CRY1: variants seen among roughly 807,000 people sequenced by gnomAD.
CRY1 encodes the protein cryptochrome-1.
Under a neutral mutation model 76.0 loss-of-function variants are expected in CRY1, and 45 were observed. That is an observed-to-expected ratio of 0.59 (90% CI 0.47 to 0.76). The LOEUF (loss-of-function observed/expected upper bound fraction) is 0.76, where lower values mean the gene tolerates loss of function less well. CRY1 is among the 30% of genes least tolerant of loss of function. The probability of loss-of-function intolerance (pLI) is 0.00; values close to 1 mark genes in which losing one functional copy is unlikely to be tolerated. For missense variants in CRY1, 587 were observed against 716.4 expected, an observed-to-expected ratio of 0.82 and a Z score of 2.06; for synonymous variants, 248 against 244.0, an observed-to-expected ratio of 1.02 and a Z score of -0.15.
At chr12:107,037,032 A>C (rs1952741528) in intron 1 of CRY1, among the ~76,000 whole-genome samples, 1 of 152,184 alleles carries the variant, frequency 6.6e-6, no homozygotes, top group African/African-American at 2.4e-5. Context: ...CCATGAAAGT[A>C]AGGTTTTTGC....
At chr12:107,027,372 A>C (rs1392740324) in intron 1 of CRY1, among the ~76,000 whole-genome samples, 1 of 152,142 alleles carries the variant, frequency 6.6e-6, no homozygotes, top group African/African-American at 2.4e-5. Flanking sequence ...AATTTGGCAT[A>C]TATATTATTT....
At chr12:107,000,108 TTAAC>T (rs1952289314) in intron 5 of CRY1, 26 bp from the exon 6 acceptor site, 2 of 1,564,596 alleles carry the variant, frequency 1.3e-6, no homozygotes, top group South Asian at 1.2e-5. Flanking sequence ...GAAAATTATA[TTAAC>T]TAATTGTCTT....
intron 1 of CRY1, chr12:107,072,907 A>C (rs1953207734): frequency 6.6e-6 from 1 of 152,194 alleles, no homozygotes; most frequent in African/African-American, 2.4e-5. Flanking sequence ...AATATTAAAA[A>C]TTTACATTAA....
chr12:107,072,264 A>G (rs138112881), intron 1 of CRY1, among the ~76,000 whole-genome samples: 1 of 152,290 alleles, frequency 6.6e-6, no homozygotes, highest in East Asian at 1.9e-4. Context: ...CCCTTTTCCA[A>G]ATTCCAAATG....
intron 2 of CRY1, among the ~76,000 whole-genome samples, chr12:107,010,495 TG>T (rs1268927750): frequency 1.3e-5 from 2 of 152,222 alleles, no homozygotes; most frequent in African/African-American, 4.8e-5. Flanking sequence ...GCAATTCTAT[TG>T]GTGCCATTTT....
At chr12:107,053,130 A>G (rs1242540515) in intron 1 of CRY1, among the ~76,000 whole-genome samples, 1 of 152,242 alleles carries the variant, frequency 6.6e-6, no homozygotes, top group Non-Finnish European at 1.5e-5. Flanking sequence ...TTTGAAAAAG[A>G]ACCAAAGAAA....
At chr12:107,083,572 C>G (rs2136901078) in intron 1 of CRY1, among the ~76,000 whole-genome samples, 1 of 152,254 alleles carries the variant, frequency 6.6e-6, no homozygotes, top group Non-Finnish European at 1.5e-5. Flanking sequence ...ATCATATAAA[C>G]AGAACCAATG....
rs367739557 is a variant in CRY1, at chr12:106,992,978, G to A, written c.1644C>T (p.His548=). ...HYAHGDSQQT[H]LLKQGRSSMG... ...CTTCATTCTTACCTTGCTTCAACAGGTGAGTTTGCTGACTGTCGCCATGAG... is the reference window on the plus strand; with the variant it reads ...CTTCATTCTTACCTTGCTTCAACAGATGAGTTTGCTGACTGTCGCCATGAG... The change falls in exon 11 of 13, where the codon CAC becomes CAT. Residue 548 remains histidine, a synonymous_variant. Coordinates refer to ENST00000008527, the MANE Select transcript of CRY1 (RefSeq NM_004075.5). 2 of 1,613,936 alleles carry A rather than the reference G, an allele frequency of 1.2e-6. No homozygotes were observed. The highest frequency in any genetic ancestry group is 1.3e-5 in the African/African-American group (1 of 74,924).
At chr12:107,077,420 T>G (rs1953270035) in intron 1 of CRY1, among the ~76,000 whole-genome samples, 1 of 152,194 alleles carries the variant, frequency 6.6e-6, no homozygotes, top group Non-Finnish European at 1.5e-5. Context: ...AATGTTTTCC[T>G]GAATGACTAA....
At chr12:107,013,920 T>C (rs1952471165) in intron 2 of CRY1, among the ~76,000 whole-genome samples, 1 of 152,264 alleles carries the variant, frequency 6.6e-6, no homozygotes, top group African/African-American at 2.4e-5. Flanking sequence ...ACTTTTTTAA[T>C]GTGGCTATTA....
At chr12:106,995,226 A>C (rs1952221037) in intron 10 of CRY1, among the ~76,000 whole-genome samples, 1 of 152,170 alleles carries the variant, frequency 6.6e-6, no homozygotes, top group South Asian at 2.1e-4. Flanking sequence ...AGTATGCAAA[A>C]ATCCCTTACT....
intron 1 of CRY1, among the ~76,000 whole-genome samples, chr12:107,064,438 A>G (rs1392382468): frequency 6.6e-6 from 1 of 152,262 alleles, no homozygotes; most frequent in African/African-American, 2.4e-5. Flanking sequence ...CAAACCTGAC[A>G]AAACCAAATG....
intron 1 of CRY1, among the ~76,000 whole-genome samples, chr12:107,028,401 T>C (rs552842175): frequency 6.6e-6 from 1 of 152,238 alleles, no homozygotes; most frequent in South Asian, 2.1e-4. Flanking sequence ...TCAATAAAGA[T>C]GAAATATATA....
chr12:107,030,852 G>C (rs1952666708), intron 1 of CRY1, among the ~76,000 whole-genome samples: 1 of 152,108 alleles, frequency 6.6e-6, no homozygotes, highest in Non-Finnish European at 1.5e-5. Flanking sequence ...TGTTGCTTAA[G>C]GTGATAAAGC....
chr12:107,029,437 C>CA (rs1271169698), intron 1 of CRY1, among the ~76,000 whole-genome samples: 2 of 151,602 alleles, frequency 1.3e-5, no homozygotes, highest in Non-Finnish European at 2.9e-5. Flanking sequence ...ACAAAAAGTA[C>CA]AAAAAAACTA....
At chr12:107,085,515 G>A (rs1029203857) in intron 1 of CRY1, among the ~76,000 whole-genome samples, 3 of 152,148 alleles carry the variant, frequency 2.0e-5, no homozygotes, top group Non-Finnish European at 4.4e-5. Context: ...CCTTTGCAGG[G>A]ACATGGATGA....
chr12:107,090,178 C>T (rs1352335454), intron 1 of CRY1, among the ~76,000 whole-genome samples: 1 of 152,034 alleles, frequency 6.6e-6, no homozygotes, highest in African/African-American at 2.4e-5. Context: ...CAACCTCTGC[C>T]TCCTGGGTTC....
At chr12:107,022,610 T>G (rs1226558836) in intron 1 of CRY1, among the ~76,000 whole-genome samples, 2 of 150,984 alleles carry the variant, frequency 1.3e-5, no homozygotes, top group African/African-American at 4.9e-5. Context: ...ACCAGAAACA[T>G]CCTATGTAAT....
At chr12:107,047,035 G>C (rs1311522351) in intron 1 of CRY1, among the ~76,000 whole-genome samples, 3 of 152,136 alleles carry the variant, frequency 2.0e-5, no homozygotes, top group African/African-American at 7.2e-5. Flanking sequence ...GGACCCAACA[G>C]ACATTTAGAA....
Sources: gnomAD v4.1 joint callset for allele counts (sites outside exome capture counted in the v4.1 genomes callset) on GRCh38, gnomAD v4.1.1 for gene constraint, MANE v1.5 for transcripts, NCBI Gene and HGNC (gene_info 2026-07-23, HGNC 2026-07-21) for gene names.